Variants in RNF125 observed in about 807,000 individuals in gnomAD.
RNF125 encodes E3 ubiquitin-protein ligase RNF125.
A neutral mutation model predicts 26.0 loss-of-function variants in RNF125; 21 were observed. The ratio of observed to expected loss-of-function variants is 0.81; its 90% CI spans 0.57 to 1.16. RNF125 has a LOEUF of 1.16. RNF125 is among the 50% of genes most tolerant of loss of function. The pLI is 0.00. For missense variants in RNF125, 270 were observed against 299.4 expected (o/e 0.90, Z 0.72); for synonymous variants, 95 against 109.2 (o/e 0.87, Z 0.81).
intron 4 of RNF125, among the ~76,000 whole-genome samples, chr18:32,053,423 C>T (rs1177348319): frequency 6.8e-6 from 1 of 147,410 alleles, no homozygotes. Context: ...CAGACCTGCA[C>T]TGAGTATGAT....
chr18:32,050,865 C>CTTTTTTTTTTTTTTTT (rs531751585), intron 4 of RNF125, among the ~76,000 whole-genome samples: 4 of 46,342 alleles, frequency 8.6e-5, no homozygotes, highest in Middle Eastern at 0.019. Context: ...GTCTAGAGTG[C>CTTTTTTTTTTTTTTTT]TTTTTTTTTT....
At chr18:32,044,110 G>A (rs1268144294) in intron 3 of RNF125, among the ~76,000 whole-genome samples, 3 of 151,912 alleles carry the variant, frequency 2.0e-5, no homozygotes, top group East Asian at 1.9e-4. Flanking sequence ...GGGTTCAAGC[G>A]ATTCTCCTGC....
chr18:32,088,310 C>A, the RNF125 span, among the ~76,000 whole-genome samples: 1 of 152,196 alleles, frequency 6.6e-6, no homozygotes, highest in African/African-American at 2.4e-5. Flanking sequence ...ATGAGCCTCT[C>A]TCCTGTTCCA....
At chr18:32,020,495 A>C (rs1485184315) in intron 1 of RNF125, among the ~76,000 whole-genome samples, 1 of 151,846 alleles carries the variant, frequency 6.6e-6, no homozygotes, top group African/African-American at 2.4e-5. Flanking sequence ...TTGTACCAGC[A>C]TTTGGCTTAG....
In RNF125 at chr18:32,042,256, TGAG is replaced by T; in HGVS notation, c.400_402del (p.Glu134del). On this transcript the variant is annotated inframe_deletion, in exon 3 of 6. Transcript: ENST00000217740. Reference sequence around the variant, plus strand: ...ATAAGTATGGACCACTACAAGAACTTGAGGAGACAGCAGCAAGGTTTGTTTCAA... The same window carrying T: ...ATAAGTATGGACCACTACAAGAACTTGAGACAGCAGCAAGGTTTGTTTCAA... The T allele has an allele frequency of 3.1e-6, 5 of 1,611,212 alleles. No homozygotes were observed. The highest frequency in any genetic ancestry group is 4.2e-6 in the Non-Finnish European group (5 of 1,177,710).
intron 1 of RNF125, among the ~76,000 whole-genome samples, chr18:32,021,281 C>G (rs1221818977): frequency 2.6e-5 from 4 of 152,168 alleles, no homozygotes; most frequent in Non-Finnish European, 4.4e-5. Context: ...GGGGTTTCAC[C>G]GTGTTAGCCA....
At chr18:32,037,006 C>A in intron 1 of RNF125, 110 bp from the exon 2 acceptor site, 2 of 958,252 alleles carry the variant, frequency 2.1e-6, no homozygotes, top group Non-Finnish European at 3.1e-6. Flanking sequence ...GGTAGTATGG[C>A]TCATGGGGTA....
intron 4 of RNF125, among the ~76,000 whole-genome samples, chr18:32,051,615 TAAAAAAA>T (rs71177836): frequency 2.5e-5 from 2 of 78,978 alleles, no homozygotes; most frequent in African/African-American, 9.7e-5. Flanking sequence ...GACTCAGTCT[TAAAAAAA>T]AAAAAAAAAA....
intron 1 of RNF125, among the ~76,000 whole-genome samples, chr18:32,027,342 C>T (rs555941261): frequency 4.0e-5 from 6 of 151,774 alleles, no homozygotes; most frequent in Admixed American, 6.6e-5. Flanking sequence ...AAAATCTTGC[C>T]GAGGGAGTTT....
At chr18:32,050,879 T>TC in intron 4 of RNF125, among the ~76,000 whole-genome samples, 1 of 120,936 alleles carries the variant, frequency 8.3e-6, no homozygotes, top group African/African-American at 3.5e-5. Flanking sequence ...TTTTTTTTTT[T>TC]TTTTTTTTTT....
Position 32,058,917 on chromosome 18 carries a change from T to C in RNF125, c.505-6985T>C, listed in dbSNP as rs539622143. On this transcript the variant is annotated intron_variant, in intron 4 of 5. Coordinates refer to ENST00000217740, the MANE Select transcript of RNF125 (RefSeq NM_017831.4). The stretch of plus-strand genomic sequence containing the variant: ...GCTAGGCTTATTTCACTTAACATAA[T>C]GTCCTCCAGTTCCATCCATGTTGTT... Among the ~76,000 whole-genome samples the C allele has an allele frequency of 2.6e-5, 4 of 152,298 alleles. No homozygotes were observed. In the East Asian group the frequency reaches 7.7e-4, roughly 29 times the overall value.
intron 4 of RNF125, among the ~76,000 whole-genome samples, chr18:32,056,969 C>G (rs1033173652): frequency 1.3e-5 from 2 of 152,154 alleles, no homozygotes; most frequent in Non-Finnish European, 2.9e-5. Context: ...TTTACACAGT[C>G]GTAGAGAAAA....
intron 3 of RNF125, among the ~76,000 whole-genome samples, chr18:32,043,547 A>G (rs2039239762): frequency 6.6e-6 from 1 of 152,246 alleles, no homozygotes; most frequent in Non-Finnish European, 1.5e-5. Context: ...TATTTTAGCT[A>G]TAAACAGAGT....
At chr18:32,045,562 A>C (rs1415383566) in intron 3 of RNF125, 80 bp from the exon 4 acceptor site, 2 of 434,766 alleles carry the variant, frequency 4.6e-6, no homozygotes, top group South Asian at 8.3e-5. Context: ...CTCTTGTCTC[A>C]AAAAAAAAAA....
In RNF125 at chr18:32,053,150, G is replaced by T. The variant is rs563459511; in HGVS notation, c.504+7418G>T. ...GGCCGAGGCAGGGAGATCACCTGAG[G>T]TCGGGAGTTCGAGACCAGCCTGACC... On this transcript the variant is annotated intron_variant, in intron 4 of 5. Coordinates refer to ENST00000217740, the MANE Select transcript of RNF125 (RefSeq NM_017831.4). Among the ~76,000 whole-genome samples the T allele has an allele frequency of 3.3e-5, 5 of 152,318 alleles. No homozygotes were observed. In the South Asian group the frequency reaches 1.0e-3, roughly 32 times the overall value.
chr18:32,048,316 C>T (rs1255650003), intron 4 of RNF125, among the ~76,000 whole-genome samples: 5 of 150,810 alleles, frequency 3.3e-5, no homozygotes, highest in Non-Finnish European at 7.4e-5. Context: ...ATCCCAGCTA[C>T]TCGGGAGGCT....
rs146291499 is a variant in RNF125, at chr18:32,042,228, T to C, written c.368T>C (p.Ile123Thr). The C allele has an allele frequency of 2.5e-5, 40 of 1,613,782 alleles. No individual in the cohort carries two copies. The African/African-American group carries it at 4.8e-4, about 19-fold the overall frequency. The change falls in exon 3 of 6, where the codon ATA (isoleucine) becomes ACA (threonine). Residue 123 changes from isoleucine (I) to threonine (T), a missense_variant. By Grantham distance (89) the Ile-to-Thr change is moderately conservative. Coordinates refer to ENST00000217740, the MANE Select transcript of RNF125 (RefSeq NM_017831.4). ...CATATTCGGACTTGTCAGAAGTACA[T>C]AGATAAGTATGGACCACTACAAGAA... Reference protein sequence around the residue: ...RAHIRTCQKYIDKYGPLQELE... With the variant: ...RAHIRTCQKYTDKYGPLQELE...
intron 4 of RNF125, among the ~76,000 whole-genome samples, chr18:32,046,528 C>T (rs1401097266): frequency 9.8e-5 from 14 of 142,816 alleles, no homozygotes; most frequent in African/African-American, 3.4e-4. Flanking sequence ...ACCCGGGAGG[C>T]GGAGCTTGCA....
At chr18:32,041,620 C>CCT (rs2039217772) in intron 2 of RNF125, among the ~76,000 whole-genome samples, 3 of 93,280 alleles carry the variant, frequency 3.2e-5, no homozygotes, top group Non-Finnish European at 4.2e-5. Context: ...AATGTAGATG[C>CCT]TTTTTTTTTT....
Sources: gnomAD v4.1 joint callset for allele counts (sites outside exome capture counted in the v4.1 genomes callset) on GRCh38, gnomAD v4.1.1 for gene constraint, MANE v1.5 for transcripts, NCBI Gene and HGNC (gene_info 2026-07-23, HGNC 2026-07-21) for gene names.